The following DOCK9 variants were observed in gnomAD, a reference collection of about 807,000 sequenced individuals.
DOCK9 encodes the protein dedicator of cytokinesis protein 9.
DOCK9 carries 89 observed loss-of-function variants against 263.3 expected under a neutral mutation model. The observed-to-expected ratio is 0.34, with a 90% CI of 0.28 to 0.40. The LOEUF (loss-of-function observed/expected upper bound fraction) is 0.40. Among genes scored for constraint, DOCK9 ranks in the 10% least tolerant of loss-of-function variants. DOCK9 has a pLI of 1.00. For synonymous variants in DOCK9, 976 were observed against 973.1 expected (o/e 1.00, Z -0.06); for missense variants, 2,140 against 2,603.4 (o/e 0.82, Z 3.87).
chr13:99,075,217 G>A (rs1011880458), intron 1 of DOCK9, among the ~76,000 whole-genome samples: 7 of 151,756 alleles, frequency 4.6e-5, no homozygotes, highest in East Asian at 1.9e-4. Context: ...TTTCTTCAAC[G>A]GCTATGCAGT....
chr13:98,920,907 C>A (rs2051867433), intron 7 of DOCK9, 47 bp downstream of exon 7: 1 of 1,536,720 alleles, frequency 6.5e-7, no homozygotes, highest in African/African-American at 1.4e-5. Flanking sequence ...CACATAAGCA[C>A]TACTGCAGAT....
Position 98,797,243 on chromosome 13 carries a change from C to T in DOCK9, c.6028G>A (p.Glu2010Lys), listed in dbSNP as rs1423589731. 6.2e-7 allele frequency: 1 copy of T among 1,613,894 alleles called. No individual in the cohort carries two copies. The part of the protein sequence containing the change: ...LLKEVFRQFV[E>K]ACGQALAVNE... The stretch of plus-strand genomic sequence containing the variant: ...ACCGCTAAGGCTTGACCGCAAGCTT[C>T]CACAAATTGCCTGGAATGGTACAGG... Residue 2010 changes from glutamate to lysine, a missense_variant, in exon 52 of 53, where the codon GAA becomes AAA. This residue lies in a region of DOCK9 where 619 missense variants were observed against 861.8 expected (regional missense o/e 0.72). Transcript: ENST00000682017.
chr13:98,978,292 A>G (rs1310079798), upstream of DOCK9, among the ~76,000 whole-genome samples: 1 of 152,252 alleles, frequency 6.6e-6, no homozygotes, highest in East Asian at 1.9e-4. Flanking sequence ...AACCAGTCAC[A>G]GTTAGACTCC....
chr13:98,891,160 G>C (rs1393626138), intron 15 of DOCK9, among the ~76,000 whole-genome samples: 2 of 152,078 alleles, frequency 1.3e-5, no homozygotes, highest in African/African-American at 4.8e-5. Flanking sequence ...GAGAGCTTTT[G>C]ACCCAGCATC....
At chr13:99,076,205 C>T (rs1376718247) in intron 1 of DOCK9, among the ~76,000 whole-genome samples, 4 of 152,176 alleles carry the variant, frequency 2.6e-5, no homozygotes, top group Admixed American at 6.5e-5. Context: ...GTGCTCCTTG[C>T]AAAACTCATT....
intron 1 of DOCK9, among the ~76,000 whole-genome samples, chr13:98,970,334 T>C (rs538684791): frequency 3.3e-5 from 5 of 152,244 alleles, no homozygotes; most frequent in East Asian, 1.9e-4. Flanking sequence ...GATAGCACAA[T>C]GCAGCATGGC....
At chr13:98,978,479 C>T (rs1875937577), upstream of DOCK9, among the ~76,000 whole-genome samples, 1 of 152,196 alleles carries the variant, frequency 6.6e-6, no homozygotes, top group South Asian at 2.1e-4. Context: ...CCATAGCCTG[C>T]ACCTCGTGGA....
chr13:98,800,209 T>C (rs1237015515), intron 50 of DOCK9, 79 bp downstream of exon 50: 5 of 1,430,192 alleles, frequency 3.5e-6, no homozygotes, highest in Non-Finnish European at 4.7e-6. Context: ...AAGTAGACCT[T>C]GTTAGTGGAA....
At chr13:99,053,484 A>C (rs1001162821) in intron 1 of DOCK9, among the ~76,000 whole-genome samples, 11 of 152,238 alleles carry the variant, frequency 7.2e-5, no homozygotes, top group Non-Finnish European at 1.3e-4. Flanking sequence ...TAATTTAATT[A>C]AATGTAATTG....
At chr13:98,881,710 G>T in intron 24 of DOCK9, 83 bp from the exon 25 acceptor site, 3 of 1,408,290 alleles carry the variant, frequency 2.1e-6, no homozygotes, top group Non-Finnish European at 2.9e-6. Flanking sequence ...GTAGAACAAT[G>T]ATGATGCTAT....
intron 7 of DOCK9, among the ~76,000 whole-genome samples, chr13:98,920,727 T>A (rs1307921703): frequency 1.3e-5 from 2 of 152,254 alleles, no homozygotes; most frequent in Non-Finnish European, 2.9e-5. Context: ...AGCTATAAAG[T>A]GGCCGAGCCA....
At chr13:98,880,899 G>A (rs2044642693) in intron 25 of DOCK9, among the ~76,000 whole-genome samples, 1 of 151,832 alleles carries the variant, frequency 6.6e-6, no homozygotes, top group South Asian at 2.1e-4. Flanking sequence ...TCAGTGACCA[G>A]CCAGCCCGTA....
At chr13:98,886,900 T>C (rs35833602) in intron 18 of DOCK9, among the ~76,000 whole-genome samples, 19,349 of 151,832 alleles carry the variant, frequency 0.13, 1,330 homozygotes, top group South Asian at 0.2. Context: ...CCTTTTCTTA[T>C]GCAATTCTTC....
At chr13:98,803,479 C>T (rs1393615559) in intron 49 of DOCK9, among the ~76,000 whole-genome samples, 1 of 152,184 alleles carries the variant, frequency 6.6e-6, no homozygotes, top group Non-Finnish European at 1.5e-5. Context: ...AGAGCTGGGC[C>T]CCGCCCCCAG....
At position 98,807,745 on chromosome 13, in the gene DOCK9, C is replaced by T. The variant is rs752050461; in HGVS notation, c.5430G>A (p.Leu1810=). The T allele has an allele frequency of 6.2e-7, 1 of 1,613,760 alleles. No homozygotes were observed. The highest frequency in any genetic ancestry group is 1.1e-5 in the South Asian group (1 of 91,058). The change falls in exon 48 of 53, where the codon CTG becomes CTA. Residue 1810 remains leucine, a synonymous_variant. Coordinates refer to ENST00000682017, the MANE Select transcript of DOCK9 (RefSeq NM_001366683.2). ...YIYKEPKLTP[L]SEISQRLLKL... Reference sequence around the variant, plus strand: ...TAAGGAGTCTCTGAGAAATTTCCGACAGCGGTGTGAGTTTGGGTTCCTTGT... The same window carrying T: ...TAAGGAGTCTCTGAGAAATTTCCGATAGCGGTGTGAGTTTGGGTTCCTTGT...
At chr13:98,931,107 A>G (rs1451931196) in intron 2 of DOCK9, among the ~76,000 whole-genome samples, 1 of 152,194 alleles carries the variant, frequency 6.6e-6, no homozygotes. Context: ...AAGATGCTCA[A>G]TCAGTAATTG....
chr13:99,032,482 C>CAA (rs35786410), intron 1 of DOCK9, among the ~76,000 whole-genome samples: 66 of 126,878 alleles, frequency 5.2e-4, no homozygotes, highest in Middle Eastern at 7.9e-3. Context: ...GACACCATCT[C>CAA]AAAAAAAAAA....
chr13:99,082,417 G>T (rs2042158319), intron 1 of DOCK9, among the ~76,000 whole-genome samples: 1 of 151,040 alleles, frequency 6.6e-6, no homozygotes, highest in Non-Finnish European at 1.5e-5. Flanking sequence ...TACTCAGGAG[G>T]CTGAGGCAGG....
At chr13:98,862,123 CA>C (rs1555367574) in intron 32 of DOCK9, among the ~76,000 whole-genome samples, 2 of 152,122 alleles carry the variant, frequency 1.3e-5, no homozygotes, top group Non-Finnish European at 2.9e-5. Context: ...ATCACGAGAA[CA>C]TGGTTTTCAT....
Sources: gnomAD v4.1 joint callset for allele counts (sites outside exome capture counted in the v4.1 genomes callset) on GRCh38, gnomAD v4.1.1 for gene constraint, gnomAD v4.1.1 regional missense constraint, MANE v1.5 for transcripts, NCBI Gene and HGNC (gene_info 2026-07-23, HGNC 2026-07-21) for gene names.